LILRB5: variants seen among roughly 807,000 people sequenced by gnomAD.
The protein encoded by LILRB5 is leukocyte immunoglobulin-like receptor subfamily B member 5.
A neutral mutation model predicts 68.4 loss-of-function variants in LILRB5; 61 were observed. The ratio of observed to expected loss-of-function variants is 0.89; its 90% confidence interval spans 0.73 to 1.10. The LOEUF (loss-of-function observed/expected upper bound fraction) is 1.10. LILRB5 is among the 50% of genes least tolerant of loss of function. The pLI, the probability that LILRB5 is intolerant of heterozygous loss-of-function variation, is 0.00. For missense variants in LILRB5, 771 were observed against 751.6 expected (o/e 1.03, Z -0.30); for synonymous variants, 356 against 315.8 (o/e 1.13, Z -1.35).
rs142623124 is a variant in LILRB5, at chr19:54,256,018, T to A, written c.655+25A>T. ...ACCTATCTGGTTCCCCAAAATTATA[T>A]AAAGAAGTGTGGTGGCTTTTTCACC... On this transcript the variant is annotated intron_variant, in intron 4 of 12. Transcript: ENST00000449561. The A allele has an allele frequency of 7.0e-5, 106 of 1,513,598 alleles. 1 individual carries two copies. The Middle Eastern group carries it at 1.1e-3, about 15-fold the overall frequency. 93.8% of individuals were successfully genotyped at this position (1,513,598 alleles called of 1,614,324 possible).
chr19:54,256,690 G>A lies in LILRB5; in HGVS notation c.154C>T (p.Pro52Ser), dbSNP rs765220698. The A allele has an allele frequency of 5.0e-6, 8 of 1,614,170 alleles. No individual in the cohort carries two copies. Among genetic ancestry groups the A allele is most frequent in the South Asian group, 1.1e-5 (1 of 91,080 alleles). Reference sequence around the variant, plus strand: ...AGACGGTACTCCTCAGTCTCCAGGGGCCCCTGACACCAGAGGGTCACGGGC... The same window carrying A: ...AGACGGTACTCCTCAGTCTCCAGGGACCCCTGACACCAGAGGGTCACGGGC... ...GKPVTLWCQG[P>S]LETEEYRLDK... The change falls in exon 3 of 13, where the codon CCC becomes TCC. Residue 52 changes from proline (P) to serine (S), a missense_variant. Pro to Ser is a moderately conservative substitution (Grantham distance 74). Transcript: ENST00000449561.
intron 12 of LILRB5, 184 bp downstream of exon 12, chr19:54,251,870 G>A (rs2078964371): frequency 2.6e-6 from 2 of 780,428 alleles, no homozygotes; most frequent in Non-Finnish European, 4.7e-6. Context: ...CCCGGGAGGA[G>A]GCCCACGAGG....
chr19:54,256,920 A>C (rs200733816), intron 2 of LILRB5, 41 bp downstream of exon 2: 20 of 1,614,066 alleles, frequency 1.2e-5, no homozygotes, highest in East Asian at 4.5e-5. Context: ...CCTTGTCCCC[A>C]GTGAGAAGAA....
At chr19:54,253,046 T>C in intron 8 of LILRB5, 59 bp from the exon 9 acceptor site, 2 of 1,180,226 alleles carry the variant, frequency 1.7e-6, no homozygotes, top group Non-Finnish European at 2.3e-6. Context: ...ACCTTCTGTG[T>C]GCAGGCGCGA....
rs575224517 is a variant in LILRB5 at position 54,250,750 on chromosome 19, CCTT to C, written c.*33_*35del. On this transcript the variant is annotated 3_prime_UTR_variant, in exon 13 of 13. Coordinates refer to ENST00000449561, the MANE Select transcript of LILRB5 (RefSeq NM_001081442.3). ...TGTGCCTTCTGGAGTCTCTGAGTCT[CCTT>C]CTGTTGAGTATGAGATCTGGGTCCC... The C allele has an allele frequency of 9.9e-5, 160 of 1,613,670 alleles. No individual in the cohort carries two copies. In the South Asian group the frequency reaches 1.5e-3, roughly 15 times the overall value.
chr19:54,256,369 G>A (rs756841467), intron 3 of LILRB5, 27 bp from the exon 4 acceptor site: 2 of 1,589,806 alleles, frequency 1.3e-6, no homozygotes, highest in South Asian at 1.1e-5. Context: ...CACGTCTTAA[G>A]TGGGGCTCCG....
At chr19:54,254,238 C>A in intron 7 of LILRB5, 127 bp downstream of exon 7, 1 of 1,447,210 alleles carries the variant, frequency 6.9e-7, no homozygotes. Flanking sequence ...CCTCCTCTGG[C>A]TCTGCCCAGC....
At chr19:54,254,638 C>A (rs1230061881) in intron 6 of LILRB5, 97 bp downstream of exon 6, 3 of 1,487,144 alleles carry the variant, frequency 2.0e-6, no homozygotes, top group East Asian at 2.3e-5. Flanking sequence ...CAAACCCTCC[C>A]CCCCGCACCG....
At chr19:54,255,631 C>CCCTTCCTT in intron 4 of LILRB5, 49 bp from the exon 5 acceptor site, 1 of 1,566,052 alleles carries the variant, frequency 6.4e-7, no homozygotes, top group Non-Finnish European at 8.7e-7. Flanking sequence ...CCTCCCCCGC[C>CCCTTCCTT]CCTTCCTTCT....
chr19:54,255,519 A>G lies in LILRB5; in HGVS notation c.719T>C (p.Leu240Pro). The part of the protein sequence containing the change: ...QGSVVARGGS[L>P]TLQCRSDVGY... ...GACATCAGAGCGACACTGCAGGGTC[A>G]GGCTGCCTCCGCGGGCCACGACAGA... is the stretch of plus-strand genomic sequence containing the variant. The change falls in exon 5 of 13, where the codon CTG becomes CCG. Residue 240 changes from leucine (L) to proline (P), a missense_variant. Coordinates refer to ENST00000449561, the MANE Select transcript of LILRB5 (RefSeq NM_001081442.3). 1.9e-6 allele frequency: 3 copies of G among 1,614,022 alleles called. No individual in the cohort carries two copies. The highest frequency in any genetic ancestry group is 2.5e-6 in the Non-Finnish European group (3 of 1,179,960).
In LILRB5 at chr19:54,250,763, A is replaced by G. The variant is rs2147594967; in HGVS notation, c.*23T>C. 2 of 1,613,842 alleles carry G rather than the reference A, an allele frequency of 1.2e-6. No homozygotes were observed. The highest frequency in any genetic ancestry group is 1.7e-6 in the Non-Finnish European group (2 of 1,179,916). Reference sequence around the variant, plus strand: ...GTCTCTGAGTCTCCTTCTGTTGAGTATGAGATCTGGGTCCCCCGTGGGCTA... The same window carrying G: ...GTCTCTGAGTCTCCTTCTGTTGAGTGTGAGATCTGGGTCCCCCGTGGGCTA... On this transcript the variant is annotated 3_prime_UTR_variant, in exon 13 of 13. Coordinates refer to ENST00000449561, the MANE Select transcript of LILRB5 (RefSeq NM_001081442.3).
In LILRB5 at chr19:54,256,042, C is replaced by T; in HGVS notation, c.655+1G>A. 1 of 1,533,984 alleles carries T rather than the reference C, an allele frequency of 6.5e-7. No individual in the cohort carries two copies. Among genetic ancestry groups the T allele is most frequent in the East Asian group, 2.3e-5 (1 of 44,198 alleles). ...ATAAAGAAGTGTGGTGGCTTTTTCACCTGGGACCAGAATCTCCAGGAGGTC... is the reference window on the plus strand; with the variant it reads ...ATAAAGAAGTGTGGTGGCTTTTTCATCTGGGACCAGAATCTCCAGGAGGTC... On this transcript the variant is annotated splice_donor_variant, in intron 4 of 12. Transcript: ENST00000449561. LOFTEE classifies it high-confidence loss of function.
Position 54,255,677 on chromosome 19 carries a change from T to C in LILRB5, c.656-95A>G, listed in dbSNP as rs75502027. ...CGTCCTGGCCCTGCAGGTCTCACTG[T>C]CTCTCACGCTCTGTGTCTCGGATCC... On this transcript the variant is annotated intron_variant, in intron 4 of 12. Transcript: ENST00000449561. The C allele has an allele frequency of 2.4e-3, 3,246 of 1,358,296 alleles. 71 individuals are homozygous for C. The African/African-American group carries it at 0.043, about 18-fold the overall frequency. 84.1% of individuals were successfully genotyped at this position (1,358,296 alleles called of 1,614,324 possible).
rs181145948 is a variant in LILRB5 at position 54,254,471 on chromosome 19, G to A, written c.1256-56C>T. The A allele has an allele frequency of 3.2e-4, 480 of 1,519,008 alleles. No homozygotes were observed. The African/African-American group carries it at 5.2e-3, about 17-fold the overall frequency. The allele number at this position is 1,519,008 out of a possible 1,614,324, so 94.1% of individuals were successfully genotyped here. ...GCTTTGGTGCTGAGTGAGGAAACCC[G>A]TCCCTCCACCTGCCCGTGGCTTCTC... is the stretch of plus-strand genomic sequence containing the variant. On this transcript the variant is annotated intron_variant, in intron 6 of 12. Transcript: ENST00000449561.
chr19:54,250,646 A>G lies in LILRB5; in HGVS notation c.*140T>C. 1 of 1,040,006 alleles carries G rather than the reference A, an allele frequency of 9.6e-7. No individual in the cohort carries two copies. Among genetic ancestry groups the G allele is most frequent in the Non-Finnish European group, 1.4e-6 (1 of 713,954 alleles). The allele number at this position is 1,040,006 out of a possible 1,614,324, so 64.4% of individuals were successfully genotyped here. A position where few individuals can be genotyped will look rare whatever the true frequency, so the allele number is the denominator to read the frequency against. On this transcript the variant is annotated 3_prime_UTR_variant, in exon 13 of 13. Transcript: ENST00000449561. ...GACTGCAGAATCTAGTGAGTCCCAGAGTTCCCAGGATGTCCTGGTGGTCTT... is the reference window on the plus strand; with the variant it reads ...GACTGCAGAATCTAGTGAGTCCCAGGGTTCCCAGGATGTCCTGGTGGTCTT...
Position 54,249,965 on chromosome 19 carries a change from A to G in LILRB5, c.*821T>C, listed in dbSNP as rs149200093. 12,805 of 152,372 alleles carry G rather than the reference A, an allele frequency of 0.084. 575 individuals are homozygous for G. Among genetic ancestry groups the G allele is most frequent in the Admixed American group, 0.14 (2,102 of 15,288 alleles). The allele number at this position is 152,372 out of a possible 1,614,324, so 9.4% of individuals were successfully genotyped here. The stretch of plus-strand genomic sequence containing the variant: ...GGAGAATCGCTTGAACCCGGGAGGC[A>G]GAGGTTGCAGTGAGCCGAGATCACT... On this transcript the variant is annotated 3_prime_UTR_variant, in exon 13 of 13. Coordinates refer to ENST00000449561, the MANE Select transcript of LILRB5 (RefSeq NM_001081442.3).
rs979460985 is a variant in LILRB5, at chr19:54,257,094, A to G, written c.34+66T>C. On this transcript the variant is annotated intron_variant, in intron 1 of 12. Coordinates refer to ENST00000449561, the MANE Select transcript of LILRB5 (RefSeq NM_001081442.3). ...GATAGACCAGATTCTCTGATAGACC[A>G]GAGCCTCGCTTTAGAGTGAGCTCCC... The G allele has an allele frequency of 5.0e-6, 8 of 1,613,790 alleles. No individual in the cohort carries two copies. The Admixed American group carries it at 1.3e-4, about 27-fold the overall frequency.
Position 54,256,052 on chromosome 19 carries a change from G to C in LILRB5, c.646C>G (p.Leu216Val). Residue 216 changes from leucine to valine, a missense_variant, in exon 4 of 13, where the codon CTG (leucine) becomes GTG (valine). Transcript: ENST00000449561. ...GTGGTGGCTTTTTCACCTGGGACCAGAATCTCCAGGAGGTCACTGGGGTTC... is the reference window on the plus strand; with the variant it reads ...GTGGTGGCTTTTTCACCTGGGACCACAATCTCCAGGAGGTCACTGGGGTTC... ...WSNPSDLLEILVPGVSRKPSL... is the reference protein window; with the variant it reads ...WSNPSDLLEIVVPGVSRKPSL... 6.5e-7 allele frequency: 1 copy of C among 1,538,154 alleles called. No homozygotes were observed. The highest frequency in any genetic ancestry group is 8.7e-7 in the Non-Finnish European group (1 of 1,145,000).
Position 54,250,808 on chromosome 19 carries a change from T to C in LILRB5, c.1754A>G (p.Tyr585Cys), listed in dbSNP as rs201685711. 1.9e-5 allele frequency: 31 copies of C among 1,613,972 alleles called. 1 individual carries two copies. In the African/African-American group the frequency reaches 3.2e-4, roughly 17 times the overall value. ...GGGCTAGTGGATGGCCAGGGGGGCG[T>C]AGATGCTGGGTTCAGCTGGAGGTTC... ...EREPPAEPSIYAPLAIH is the reference protein window; with the variant it reads ...EREPPAEPSICAPLAIH Residue 585 changes from tyrosine (Y) to cysteine (C), a missense_variant, in exon 13 of 13, where the codon TAC (tyrosine) becomes TGC (cysteine). Coordinates refer to ENST00000449561, the MANE Select transcript of LILRB5 (RefSeq NM_001081442.3).
Sources: allele counts gnomAD v4.1 joint callset, GRCh38; gene constraint gnomAD v4.1.1; transcripts MANE v1.5; gene names NCBI Gene and HGNC (gene_info 2026-07-23, HGNC 2026-07-21).